Variants in IL17RE observed in about 807,000 individuals in gnomAD.
The protein encoded by IL17RE is interleukin-17 receptor E.
Under a neutral mutation model 70.7 loss-of-function variants are expected in IL17RE, and 47 were observed. The observed-to-expected ratio is 0.67, with a 90% CI of 0.53 to 0.85. The LOEUF (loss-of-function observed/expected upper bound fraction) is 0.85, where lower values mean the gene tolerates loss of function less well. Ranked by LOEUF, IL17RE falls within the 40% of genes least tolerant of loss-of-function variation. The probability of loss-of-function intolerance (pLI) is 0.00; values close to 1 mark genes in which losing one functional copy is unlikely to be tolerated. For synonymous variants in IL17RE, 372 were observed against 381.2 expected, an observed-to-expected ratio of 0.98 and a Z score of 0.28; for missense variants, 850 against 893.9, an observed-to-expected ratio of 0.95 and a Z score of 0.63.
At position 9,911,165 on chromosome 3, in the gene IL17RE, C is replaced by T. The variant is rs936180362; in HGVS notation, c.1017C>T (p.Leu339=). 3.5e-5 allele frequency: 57 copies of T among 1,614,082 alleles called. No individual in the cohort carries two copies. Among genetic ancestry groups the T allele is most frequent in the Non-Finnish European group, 4.7e-5 (56 of 1,180,030 alleles). Residue 339 remains leucine (L), a synonymous_variant, in exon 10 of 16, where the codon CTC becomes CTT. Transcript: ENST00000383814. ...VLEKVDLHPQ[L]CFKFSFGNSS... ...AGAAGGTGGACCTGCACCCCCAGCT[C>T]TGCTTCAAGGTACAACCATGGGTAA... is the stretch of plus-strand genomic sequence containing the variant.
chr3:9,905,814 C>G (rs887402787), intron 3 of IL17RE, among the ~76,000 whole-genome samples: 2 of 151,110 alleles, frequency 1.3e-5, no homozygotes, highest in Admixed American at 6.6e-5. Context: ...AGCAAGGCTC[C>G]GTCTCCAAAA....
chr3:9,905,689 A>G (rs563415130), intron 3 of IL17RE, among the ~76,000 whole-genome samples: 10 of 152,114 alleles, frequency 6.6e-5, no homozygotes, highest in Admixed American at 4.6e-4. Flanking sequence ...GCGTGGTGGC[A>G]GGCGTCTGTA....
chr3:9,916,122 G>T lies in IL17RE; in HGVS notation c.*315G>T. On this transcript the variant is annotated 3_prime_UTR_variant, in exon 16 of 16. Transcript: ENST00000383814. ...GCTTCAGTCCAGGCTGGAGAGGTTG[G>T]GGCCGGGGTAGGGAGGCAGGAGCCA... is the stretch of plus-strand genomic sequence containing the variant. 3.5e-6 allele frequency: 1 copy of T among 281,698 alleles called. No homozygotes were observed. The highest frequency in any genetic ancestry group is 6.5e-6 in the Non-Finnish European group (1 of 153,976). The allele number at this position is 281,698 out of a possible 1,614,324, so 17.4% of individuals were successfully genotyped here.
upstream of IL17RE, chr3:9,902,764 CCTGG>C: frequency 6.5e-7 from 1 of 1,536,376 alleles, no homozygotes. Context: ...AGGAATGTGG[CCTGG>C]CTGGCTGGTT....
At chr3:9,905,894 T>A (rs1460144743) in intron 3 of IL17RE, among the ~76,000 whole-genome samples, 4 of 152,232 alleles carry the variant, frequency 2.6e-5, no homozygotes, top group African/African-American at 9.6e-5. Context: ...AAGAAATTAA[T>A]CTTTTCTTGA....
chr3:9,913,823 A>G, intron 12 of IL17RE, 133 bp from the exon 13 acceptor site: 4 of 692,342 alleles, frequency 5.8e-6, no homozygotes, highest in South Asian at 5.1e-5. Context: ...CCTTCTTGTC[A>G]GAGGTGGCAC....
chr3:9,907,059 G>A lies in IL17RE; in HGVS notation c.625G>A (p.Ala209Thr). ...CAGCGTGCGTCTTTGTCACCAGTGG[G>A]CACTGGAGTGTGAAGAGCTGAGCAG... ...EVSVRLCHQW[A>T]LECEELSSPY... Residue 209 changes from alanine (A) to threonine (T), a missense_variant, in exon 6 of 16, where the codon GCA becomes ACA. Transcript: ENST00000383814. 1 of 1,614,186 alleles carries A rather than the reference G, an allele frequency of 6.2e-7. No homozygotes were observed. The highest frequency in any genetic ancestry group is 2.2e-5 in the East Asian group (1 of 44,892).
rs2082810922 is a variant in IL17RE at position 9,908,412 on chromosome 3, G to T, written c.735+105G>T. 6.4e-6 allele frequency: 6 copies of T among 936,332 alleles called. No individual in the cohort carries two copies. The South Asian group carries it at 8.4e-5, about 13-fold the overall frequency. The allele number at this position is 936,332 out of a possible 1,614,324, so 58.0% of individuals were successfully genotyped here. A position where few individuals can be genotyped will look rare whatever the true frequency, so the allele number is the denominator to read the frequency against. Reference sequence around the variant, plus strand: ...CCAGTAAATTGGGTTTAAAAAGACTGAGTGTTACTGGCATGCTTAGGAAGA... The same window carrying T: ...CCAGTAAATTGGGTTTAAAAAGACTTAGTGTTACTGGCATGCTTAGGAAGA... On this transcript the variant is annotated intron_variant, in intron 7 of 15. Coordinates refer to ENST00000383814, the MANE Select transcript of IL17RE (RefSeq NM_153480.2).
intron 2 of IL17RE, among the ~76,000 whole-genome samples, chr3:9,903,624 C>A (rs1284426181): frequency 6.6e-6 from 1 of 152,174 alleles, no homozygotes; most frequent in Non-Finnish European, 1.5e-5. Flanking sequence ...TCCAACTGAC[C>A]CTCAGTTTCT....
intron 12 of IL17RE, among the ~76,000 whole-genome samples, chr3:9,913,116 G>C (rs9837411): frequency 0.014 from 2,189 of 152,194 alleles, 45 homozygotes; most frequent in African/African-American, 0.05. Context: ...TAAAAATGAA[G>C]AAAGTAGGCC....
In IL17RE at chr3:9,915,209, C is replaced by G; in HGVS notation, c.1448-42C>G. On this transcript the variant is annotated intron_variant, in intron 15 of 15. Coordinates refer to ENST00000383814, the MANE Select transcript of IL17RE (RefSeq NM_153480.2). This position sits in a 1 kb window ranked among gnomAD's most constrained non-coding sequence, Gnocchi z 4.9. ...GGTGGGGAGAAGAGGGCTGAGCAGT[C>G]CCTCAGCCGCCCAGCCTTCATCTGT... The G allele has an allele frequency of 7.3e-7, 1 of 1,367,528 alleles. No individual in the cohort carries two copies. Among genetic ancestry groups the G allele is most frequent in the Non-Finnish European group, 9.4e-7 (1 of 1,065,116 alleles). 84.7% of individuals were successfully genotyped at this position (1,367,528 alleles called of 1,614,324 possible). A position where few individuals can be genotyped will look rare whatever the true frequency, so the allele number is the denominator to read the frequency against.
At chr3:9,913,171 G>A (rs1311407961) in intron 12 of IL17RE, among the ~76,000 whole-genome samples, 1 of 152,144 alleles carries the variant, frequency 6.6e-6, no homozygotes, top group Non-Finnish European at 1.5e-5. Flanking sequence ...TTGGGAGGCT[G>A]AGGAGGGCAG....
In IL17RE at chr3:9,907,077, C is replaced by G. The variant is rs2125077672; in HGVS notation, c.643C>G (p.Leu215Val). ...CCAGTGGGCACTGGAGTGTGAAGAG[C>G]TGAGCAGTCCCTATGATGTCCAGGT... is the stretch of plus-strand genomic sequence containing the variant. The part of the protein sequence containing the change: ...CHQWALECEE[L>V]SSPYDVQKIV... Residue 215 changes from leucine to valine, a missense_variant, in exon 6 of 16, where the codon CTG becomes GTG. Leu to Val is a conservative substitution (Grantham distance 32). Coordinates refer to ENST00000383814, the MANE Select transcript of IL17RE (RefSeq NM_153480.2). 6.2e-7 allele frequency: 1 copy of G among 1,614,152 alleles called. No homozygotes were observed. Among genetic ancestry groups the G allele is most frequent in the East Asian group, 2.2e-5 (1 of 44,892 alleles).
chr3:9,909,511 A>G lies in IL17RE; in HGVS notation c.802+228A>G, dbSNP rs148346586. The G allele has an allele frequency of 8.2e-3, 4,550 of 558,110 alleles. 39 individuals are homozygous for G. The highest frequency in any genetic ancestry group is 0.024 in the Middle Eastern group (52 of 2,136). The allele number at this position is 558,110 out of a possible 1,614,324, so 34.6% of individuals were successfully genotyped here. A position where few individuals can be genotyped will look rare whatever the true frequency, so the allele number is the denominator to read the frequency against. ...ATCAGAGATCGCTGAGCACCGCAGT[A>G]CTGTGAGAAGTTTAGAAATATGAGG... is the stretch of plus-strand genomic sequence containing the variant. On this transcript the variant is annotated intron_variant, in intron 8 of 15. Transcript: ENST00000383814.
Position 9,909,262 on chromosome 3 carries a change from T to C in IL17RE, c.781T>C (p.Phe261Leu), listed in dbSNP as rs878993752. The change falls in exon 8 of 16, where the codon TTC becomes CTC. Residue 261 changes from phenylalanine (F) to leucine (L), a missense_variant. Transcript: ENST00000383814. ...EDTVRRKKCP[F>L]QSWPEAYGSD... ...CACTGTGAGGCGCAAAAAATGTCCC[T>C]TCCAGAGCTGGCCAGAAGCCTGTGA... 1.9e-6 allele frequency: 3 copies of C among 1,614,076 alleles called. No homozygotes were observed. In the Admixed American group the frequency reaches 5.0e-5, roughly 27 times the overall value.
At chr3:9,908,367 G>T in intron 7 of IL17RE, 60 bp downstream of exon 7, 2 of 1,449,920 alleles carry the variant, frequency 1.4e-6, no homozygotes. Flanking sequence ...CCAAGGTAGC[G>T]CAGTTGGTCA....
rs2082697937 is a variant in IL17RE at position 9,904,094 on chromosome 3, G to T, written c.211G>T (p.Val71Leu). The change falls in exon 3 of 16, where the codon GTG (valine) becomes TTG (leucine). Residue 71 changes from valine to leucine, a missense_variant. By Grantham distance (32) the Val-to-Leu change is conservative (BLOSUM62 1). Coordinates refer to ENST00000383814, the MANE Select transcript of IL17RE (RefSeq NM_153480.2). ...CCTCTTCTCCACAAAGCCTTGGTGT[G>T]TGCGAGTCTGGCACTGTTCCCGCTG... ...WALFSTKPWC[V>L]RVWHCSRCLC... 3.7e-6 allele frequency: 6 copies of T among 1,614,194 alleles called. No individual in the cohort carries two copies. The highest frequency in any genetic ancestry group is 3.4e-6 in the Non-Finnish European group (4 of 1,180,032).
At position 9,904,156 on chromosome 3, in the gene IL17RE, G is replaced by A. The variant is rs951396864; in HGVS notation, c.268+5G>A. On this transcript the variant is annotated splice_donor_5th_base_variant and intron_variant, in intron 3 of 15. Transcript: ENST00000383814. Reference sequence around the variant, plus strand: ...ATCTGCTGTCAGGTGGCTCAGGTATGAGAAACAGCCCCTTGGGCCATTCTC... The same window carrying A: ...ATCTGCTGTCAGGTGGCTCAGGTATAAGAAACAGCCCCTTGGGCCATTCTC... 6.2e-7 allele frequency: 1 copy of A among 1,614,070 alleles called. No individual in the cohort carries two copies. The highest frequency in any genetic ancestry group is 1.3e-5 in the African/African-American group (1 of 75,060).
intron 2 of IL17RE, 97 bp from the exon 3 acceptor site, chr3:9,903,935 C>T (rs2082692596): frequency 1.7e-5 from 24 of 1,453,860 alleles, no homozygotes; most frequent in South Asian, 2.3e-5. Flanking sequence ...AGTCATACTT[C>T]CAGGATGTGA....
Sources: allele counts gnomAD v4.1 joint callset (sites outside exome capture counted in the v4.1 genomes callset), GRCh38; gene constraint gnomAD v4.1.1; non-coding constraint Gnocchi (gnomAD v3.1); transcripts MANE v1.5; gene names NCBI Gene and HGNC (gene_info 2026-07-23, HGNC 2026-07-21).